The following INSYN2B variants were observed in gnomAD, a reference collection of about 807,000 sequenced individuals.
The protein encoded by INSYN2B is inhibitory synaptic factor family member 2B.
INSYN2B carries 16 observed loss-of-function variants against 41.2 expected under a neutral mutation model. The observed-to-expected ratio is 0.39, with a 90% confidence interval of 0.26 to 0.59. The LOEUF is 0.59. Ranked by LOEUF, INSYN2B falls within the 20% of genes least tolerant of loss-of-function variation. INSYN2B has a pLI of 0.57. For missense variants in INSYN2B, 608 were observed against 646.4 expected, an observed-to-expected ratio of 0.94 and a Z score of 0.64; for synonymous variants, 245 against 244.4, an observed-to-expected ratio of 1.00 and a Z score of -0.02.
At chr5:169,882,330 C>T (rs949361734) in intron 2 of INSYN2B, among the ~76,000 whole-genome samples, 2 of 152,072 alleles carry the variant, frequency 1.3e-5, no homozygotes. Flanking sequence ...CACCTGAAAA[C>T]GAAAACAAAC....
chr5:169,969,401 C>G (rs560736093), intron 1 of INSYN2B, among the ~76,000 whole-genome samples: 6 of 151,864 alleles, frequency 4.0e-5, no homozygotes, highest in African/African-American at 1.5e-4. Context: ...GCCGAGATCA[C>G]GCCACTGCAC....
chr5:169,929,204 A>G (rs1775624069), intron 1 of INSYN2B, among the ~76,000 whole-genome samples: 1 of 152,178 alleles, frequency 6.6e-6, no homozygotes, highest in South Asian at 2.1e-4. Context: ...GTCATGACAC[A>G]TTTATAAGCC....
At position 169,864,376 on chromosome 5, in the gene INSYN2B, G is replaced by C. The variant is rs1030441634; in HGVS notation, c.1505C>G (p.Ala502Gly). The C allele has an allele frequency of 5.2e-6, 8 of 1,551,478 alleles. No individual in the cohort carries two copies. The highest frequency in any genetic ancestry group is 2.4e-5 in the South Asian group (2 of 84,030). ...TGCTGGGGACTTTGGTGGGGGCGAT[G>C]CCTCCTCAACTGGCTCTGCTTCCTC... ...SLEEAEPVEE[A>G]SPPPKSPAEP... The change falls in exon 4 of 4, where the codon GCA becomes GGA. Residue 502 changes from alanine (A) to glycine (G), a missense_variant. Transcript: ENST00000377365.
intron 1 of INSYN2B, among the ~76,000 whole-genome samples, chr5:169,961,449 G>A (rs1305582076): frequency 6.6e-6 from 1 of 152,218 alleles, no homozygotes; most frequent in Non-Finnish European, 1.5e-5. Context: ...ATAGCATGCT[G>A]AGCATAATGT....
chr5:169,870,722 T>C (rs560738202), intron 3 of INSYN2B, among the ~76,000 whole-genome samples: 26 of 152,272 alleles, frequency 1.7e-4, no homozygotes, highest in African/African-American at 5.8e-4. Context: ...CATTTAGCAT[T>C]AGGTCTGTGT....
At chr5:169,910,005 A>G (rs1774505361) in intron 1 of INSYN2B, among the ~76,000 whole-genome samples, 1 of 152,168 alleles carries the variant, frequency 6.6e-6, no homozygotes, top group South Asian at 2.1e-4. Flanking sequence ...TCTGCAAGTC[A>G]TCAGGGTGCC....
chr5:169,886,185 C>A (rs1772957581), intron 1 of INSYN2B, among the ~76,000 whole-genome samples: 1 of 152,082 alleles, frequency 6.6e-6, no homozygotes, highest in South Asian at 2.1e-4. Context: ...GGCGTGAGAA[C>A]AAAATGAGCC....
At chr5:169,865,946 G>A (rs994763067) in intron 3 of INSYN2B, among the ~76,000 whole-genome samples, 5 of 152,236 alleles carry the variant, frequency 3.3e-5, no homozygotes, top group East Asian at 1.9e-4. Flanking sequence ...GCATGTTGCC[G>A]TTGCCATGCA....
intron 1 of INSYN2B, among the ~76,000 whole-genome samples, chr5:169,979,158 T>G (rs1777848850): frequency 6.6e-6 from 1 of 152,126 alleles, no homozygotes; most frequent in Non-Finnish European, 1.5e-5. Flanking sequence ...CCTCCACCCC[T>G]CTGTTCCCCA....
intron 1 of INSYN2B, among the ~76,000 whole-genome samples, chr5:169,966,756 G>T (rs909158180): frequency 2.6e-5 from 4 of 152,168 alleles, no homozygotes; most frequent in African/African-American, 9.7e-5. Context: ...CATGGAAAAT[G>T]AGGCCGGAAA....
At chr5:169,912,687 G>A (rs1203072097) in intron 1 of INSYN2B, among the ~76,000 whole-genome samples, 1 of 152,074 alleles carries the variant, frequency 6.6e-6, no homozygotes, top group Non-Finnish European at 1.5e-5. Flanking sequence ...TACCCATAAT[G>A]TATGAAGGTA....
Position 169,882,681 on chromosome 5 carries a change from C to G in INSYN2B, c.1218G>C (p.Arg406=), listed in dbSNP as rs1325529524. The G allele has an allele frequency of 1.3e-6, 2 of 1,551,972 alleles. No homozygotes were observed. Among genetic ancestry groups the G allele is most frequent in the Non-Finnish European group, 1.7e-6 (2 of 1,147,038 alleles). The change falls in exon 2 of 4, where the codon CGG becomes CGC. Residue 406 remains arginine, a synonymous_variant. Transcript: ENST00000377365. ...GGCCTTGGAGGTCGCAGAGTTCACC[C>G]CGTGCCAGGTGAATTTGATTAATGT... is the stretch of plus-strand genomic sequence containing the variant. ...ISDINQIHLA[R]GELCDLQGRL...
Position 169,910,878 on chromosome 5 carries a change from C to A in INSYN2B, c.-918-26062G>T, listed in dbSNP as rs73800234. 4.3e-3 allele frequency among the ~76,000 whole-genome samples: 662 copies of A among 152,322 alleles called. 8 individuals are homozygous for A. Among genetic ancestry groups the A allele is most frequent in the African/African-American group, 0.015 (644 of 41,580 alleles). On this transcript the variant is annotated intron_variant, in intron 1 of 3. Transcript: ENST00000377365. ...CAGCCCACCTAGTCGGTTTCTCCTG[C>A]AGGGGGTTGGTTAACCATTTGTCCT...
At chr5:169,965,278 G>A (rs1363187900) in intron 1 of INSYN2B, among the ~76,000 whole-genome samples, 3 of 152,228 alleles carry the variant, frequency 2.0e-5, no homozygotes, top group African/African-American at 7.2e-5. Context: ...TTCTTCAGCT[G>A]CGGGCTGGGG....
chr5:169,868,766 G>C lies in INSYN2B; in HGVS notation c.1422-4307C>G, dbSNP rs528941697. The stretch of plus-strand genomic sequence containing the variant: ...GATTGAGTTGTCCCCATCTCAAAAA[G>C]AAAATGATATTAATGCTCTGGATGA... On this transcript the variant is annotated intron_variant, in intron 3 of 3. Coordinates refer to ENST00000377365, the MANE Select transcript of INSYN2B (RefSeq NM_001129891.3). 3.0e-4 allele frequency among the ~76,000 whole-genome samples: 45 copies of C among 152,236 alleles called. No homozygotes were observed. In the South Asian group the frequency reaches 4.4e-3, roughly 15 times the overall value.
Position 169,883,282 on chromosome 5 carries a change from T to C in INSYN2B, c.617A>G (p.Asp206Gly), listed in dbSNP as rs1561793218. ...CCAGGAAGGACTGTGATAAATATCATCTGGAACCTGAATGGCAGCTGTGGC... is the reference window on the plus strand; with the variant it reads ...CCAGGAAGGACTGTGATAAATATCACCTGGAACCTGAATGGCAGCTGTGGC... Reference protein sequence around the residue: ...EKATAAIQVPDDIYHSPSWEA... With the variant: ...EKATAAIQVPGDIYHSPSWEA... Residue 206 changes from aspartate (D) to glycine (G), a missense_variant, in exon 2 of 4, where the codon GAT becomes GGT. By Grantham distance (94) the Asp-to-Gly change is moderately conservative (BLOSUM62 -1). Coordinates refer to ENST00000377365, the MANE Select transcript of INSYN2B (RefSeq NM_001129891.3). The C allele has an allele frequency of 6.4e-7, 1 of 1,551,496 alleles. No homozygotes were observed. Among genetic ancestry groups the C allele is most frequent in the East Asian group, 2.4e-5 (1 of 40,930 alleles).
At chr5:169,907,933 C>A (rs1774381571) in intron 1 of INSYN2B, among the ~76,000 whole-genome samples, 1 of 152,218 alleles carries the variant, frequency 6.6e-6, no homozygotes, top group Admixed American at 6.5e-5. Flanking sequence ...ATCTCTTGTG[C>A]AGGCACTTCT....
intron 1 of INSYN2B, among the ~76,000 whole-genome samples, chr5:169,971,743 T>C (rs1777516257): frequency 6.6e-6 from 1 of 152,238 alleles, no homozygotes; most frequent in Non-Finnish European, 1.5e-5. Flanking sequence ...AGTAGGCAGG[T>C]GCCTGCATGG....
intron 1 of INSYN2B, among the ~76,000 whole-genome samples, chr5:169,978,386 T>TGGGG (rs1561863630): frequency 6.0e-5 from 1 of 16,716 alleles, no homozygotes. Context: ...TGTGTGTGTG[T>TGGGG]GTGTGTGGGG....
Sources: gnomAD v4.1 joint callset for allele counts (sites outside exome capture counted in the v4.1 genomes callset) on GRCh38, gnomAD v4.1.1 for gene constraint, MANE v1.5 for transcripts, NCBI Gene and HGNC (gene_info 2026-07-23, HGNC 2026-07-21) for gene names.